Variants in RIN3 observed in about 807,000 individuals in gnomAD.
RIN3 encodes the protein Ras and Rab interactor 3.
Under a neutral mutation model 76.3 loss-of-function variants are expected in RIN3, and 54 were observed. The observed-to-expected ratio is 0.71, with a 90% CI of 0.57 to 0.89. The LOEUF (loss-of-function observed/expected upper bound fraction) is 0.89, where lower values mean the gene tolerates loss of function less well. Among genes scored for constraint, RIN3 ranks in the 40% least tolerant of loss-of-function variants. The pLI is 0.00. For synonymous variants in RIN3, 576 were observed against 564.0 expected, an observed-to-expected ratio of 1.02 and a Z score of -0.30; for missense variants, 1,256 against 1,322.1, an observed-to-expected ratio of 0.95 and a Z score of 0.78.
chr14:92,669,187 C>G (rs1442529873), intron 7 of RIN3, among the ~76,000 whole-genome samples: 1 of 152,170 alleles, frequency 6.6e-6, no homozygotes, highest in African/African-American at 2.4e-5. Flanking sequence ...CAGATATAAA[C>G]AGTGAAGAAG....
chr14:92,568,696 G>C lies in RIN3; in HGVS notation c.250-8664G>C, dbSNP rs115573646. On this transcript the variant is annotated intron_variant, in intron 2 of 9. Transcript: ENST00000216487. The surrounding 1 kb of genome is among the most constrained non-coding windows in gnomAD (Gnocchi z 4.2). ...CATGCCAAACTCAGAGTCCGTCCCT[G>C]CCCCACTCTCCATCGTGAACTCACA... Among the ~76,000 whole-genome samples the C allele has an allele frequency of 4.6e-3, 706 of 152,344 alleles. 4 individuals are homozygous for C. The highest frequency in any genetic ancestry group is 0.016 in the African/African-American group (677 of 41,584).
At position 92,568,802 on chromosome 14, in the gene RIN3, G is replaced by A. The variant is rs1323505365; in HGVS notation, c.250-8558G>A. Reference sequence around the variant, plus strand: ...ACAAGAGCCACATGAGAGCCCTGTGGCCATGCTGAAAGGGTGGGTGATGGG... The same window carrying A: ...ACAAGAGCCACATGAGAGCCCTGTGACCATGCTGAAAGGGTGGGTGATGGG... On this transcript the variant is annotated intron_variant, in intron 2 of 9. Coordinates refer to ENST00000216487, the MANE Select transcript of RIN3 (RefSeq NM_024832.5). The surrounding 1 kb of genome is among the most constrained non-coding windows in gnomAD (Gnocchi z 4.2). Among the ~76,000 whole-genome samples the A allele has an allele frequency of 2.0e-5, 3 of 152,248 alleles. No individual in the cohort carries two copies. The highest frequency in any genetic ancestry group is 4.4e-5 in the Non-Finnish European group (3 of 68,042).
chr14:92,667,699 G>A (rs1291717298), intron 7 of RIN3, among the ~76,000 whole-genome samples: 2 of 152,166 alleles, frequency 1.3e-5, no homozygotes, highest in Admixed American at 1.3e-4. Flanking sequence ...ATTTGATGCT[G>A]GATAAGCCCT....
At chr14:92,624,101 C>T (rs528413499) in intron 4 of RIN3, among the ~76,000 whole-genome samples, 19 of 152,232 alleles carry the variant, frequency 1.2e-4, no homozygotes, top group Non-Finnish European at 2.1e-4. Context: ...GTTTAGACTG[C>T]GAACGGAATA....
intron 4 of RIN3, among the ~76,000 whole-genome samples, chr14:92,620,181 A>G (rs2140108424): frequency 6.6e-6 from 1 of 152,370 alleles, no homozygotes; most frequent in African/African-American, 2.4e-5. Context: ...TTGCACAGAG[A>G]GAAAGAAGCC....
chr14:92,533,516 A>G (rs976778224), intron 1 of RIN3, among the ~76,000 whole-genome samples: 5 of 152,226 alleles, frequency 3.3e-5, no homozygotes, highest in African/African-American at 7.2e-5. Flanking sequence ...CTCTATATAT[A>G]TGATGAAATA....
At chr14:92,576,028 G>A (rs1021557325) in intron 2 of RIN3, among the ~76,000 whole-genome samples, 1 of 152,172 alleles carries the variant, frequency 6.6e-6, no homozygotes, top group African/African-American at 2.4e-5. Context: ...CAGAAGCTTG[G>A]GGCTGGAGTG....
chr14:92,682,130 A>T (rs1470585753), intron 8 of RIN3, among the ~76,000 whole-genome samples: 7 of 151,840 alleles, frequency 4.6e-5, no homozygotes, highest in African/African-American at 9.7e-5. Flanking sequence ...CAAGTGATCC[A>T]CCCGTCTCAG....
At chr14:92,663,609 C>T (rs7151562) in intron 7 of RIN3, among the ~76,000 whole-genome samples, 15,808 of 152,252 alleles carry the variant, frequency 0.1, 1,079 homozygotes, top group Middle Eastern at 0.22. Flanking sequence ...ACTGGGAGCA[C>T]CGTGACTCCC....
Position 92,687,961 on chromosome 14 carries a change from G to A in RIN3, c.2667G>A (p.Gln889=), listed in dbSNP as rs1301394343. Residue 889 remains glutamine, a synonymous_variant, in exon 10 of 10, where the codon CAG becomes CAA. Coordinates refer to ENST00000216487, the MANE Select transcript of RIN3 (RefSeq NM_024832.5). ...FICVSYLEPE[Q]QARTLASRAD... is the part of the protein sequence containing the mutation. ...GCGTGTCGTACCTGGAGCCCGAGCA[G>A]CAGGCGCGGACGCTGGCGTCGCGGG... 6.4e-7 allele frequency: 1 copy of A among 1,554,922 alleles called. No individual in the cohort carries two copies. Among genetic ancestry groups the A allele is most frequent in the Non-Finnish European group, 8.7e-7 (1 of 1,150,388 alleles).
chr14:92,652,189 G>A lies in RIN3; in HGVS notation c.1140G>A (p.Lys380=). ...QVPAPPLPAK[K]NLPTAPPRRR... is the part of the protein sequence containing the mutation. Reference sequence around the variant, plus strand: ...CCGCCCCGCCACTGCCTGCGAAGAAGAACCTTCCCACTGCCCCTCCCAGAC... The same window carrying A: ...CCGCCCCGCCACTGCCTGCGAAGAAAAACCTTCCCACTGCCCCTCCCAGAC... Residue 380 remains lysine (K), a synonymous_variant, in exon 6 of 10, where the codon AAG becomes AAA. Coordinates refer to ENST00000216487, the MANE Select transcript of RIN3 (RefSeq NM_024832.5). This position sits in a 1 kb window ranked among gnomAD's most constrained non-coding sequence, Gnocchi z 6.4. The A allele has an allele frequency of 6.2e-7, 1 of 1,605,296 alleles. No individual in the cohort carries two copies. The highest frequency in any genetic ancestry group is 8.5e-7 in the Non-Finnish European group (1 of 1,174,388).
chr14:92,524,984 G>A (rs531364013), intron 1 of RIN3, among the ~76,000 whole-genome samples: 11 of 152,344 alleles, frequency 7.2e-5, no homozygotes, highest in African/African-American at 2.6e-4. Flanking sequence ...TCTACCTCTT[G>A]CAAGAAGCCT....
chr14:92,547,615 C>G (rs113813067), intron 1 of RIN3, among the ~76,000 whole-genome samples: 1 of 152,024 alleles, frequency 6.6e-6, no homozygotes, highest in South Asian at 2.1e-4. Flanking sequence ...AAGCTGGTCT[C>G]AAACTCCTCA....
intron 5 of RIN3, 69 bp from the exon 6 acceptor site, chr14:92,651,513 C>T: frequency 1.7e-6 from 1 of 603,996 alleles, no homozygotes; most frequent in African/African-American, 1.9e-5. Flanking sequence ...CGCCCACAGA[C>T]CCCGCCCAGC....
intron 7 of RIN3, among the ~76,000 whole-genome samples, chr14:92,674,821 G>A (rs534106663): frequency 9.0e-4 from 137 of 151,850 alleles, no homozygotes; most frequent in African/African-American, 3.1e-3. Context: ...CCCGTGAGGC[G>A]GAGGTTGCAG....
chr14:92,543,074 G>T (rs1897161969), intron 1 of RIN3, among the ~76,000 whole-genome samples: 1 of 152,202 alleles, frequency 6.6e-6, no homozygotes. Flanking sequence ...TTATTTAAAT[G>T]CTGTTAAAAA....
At position 92,648,845 on chromosome 14, in the gene RIN3, C is replaced by A. The variant is rs911566080; in HGVS notation, c.533-2737C>A. Among the ~76,000 whole-genome samples the A allele has an allele frequency of 3.9e-5, 6 of 152,194 alleles. No homozygotes were observed. Among genetic ancestry groups the A allele is most frequent in the African/African-American group, 1.4e-4 (6 of 41,442 alleles). ...CCTGAGCACATCAGGGAGGCGCTAC[C>A]AGACAGGTCGCATTTGACCTGAGCC... On this transcript the variant is annotated intron_variant, in intron 5 of 9. Coordinates refer to ENST00000216487, the MANE Select transcript of RIN3 (RefSeq NM_024832.5). This position sits in a 1 kb window ranked among gnomAD's most constrained non-coding sequence, Gnocchi z 4.1.
intron 3 of RIN3, among the ~76,000 whole-genome samples, chr14:92,581,506 C>A (rs1898435739): frequency 6.6e-6 from 1 of 152,136 alleles, no homozygotes; most frequent in South Asian, 2.1e-4. Context: ...TGTTCACGGC[C>A]AGGGTGGACA....
chr14:92,518,063 G>C (rs1231032898), intron 1 of RIN3, among the ~76,000 whole-genome samples: 1 of 152,196 alleles, frequency 6.6e-6, no homozygotes, highest in Admixed American at 6.5e-5. Flanking sequence ...TTGCCCATGA[G>C]GTTCTTTCTG....
Sources: gnomAD v4.1 joint callset for allele counts (sites outside exome capture counted in the v4.1 genomes callset) on GRCh38, gnomAD v4.1.1 for gene constraint, Gnocchi (gnomAD v3.1) non-coding constraint, MANE v1.5 for transcripts, NCBI Gene and HGNC (gene_info 2026-07-23, HGNC 2026-07-21) for gene names.